The following MINDY2 variants were observed in gnomAD, a reference collection of about 807,000 sequenced individuals.
MINDY2 encodes the protein ubiquitin carboxyl-terminal hydrolase MINDY-2.
Under a neutral mutation model 68.2 loss-of-function variants are expected in MINDY2, and 52 were observed. The ratio of observed to expected loss-of-function variants is 0.76; its 90% CI spans 0.61 to 0.96. The LOEUF is 0.96. Among genes scored for constraint, MINDY2 ranks in the 40% least tolerant of loss-of-function variants. The pLI is 0.00. For missense variants in MINDY2, 881 were observed against 773.4 expected (o/e 1.14, Z -1.65); for synonymous variants, 372 against 303.0 (o/e 1.23, Z -2.36).
chr15:58,796,689 A>G (rs1448704930), intron 2 of MINDY2, among the ~76,000 whole-genome samples: 1 of 152,062 alleles, frequency 6.6e-6, no homozygotes. Flanking sequence ...TGCCCAGCTA[A>G]TTTTTGTATT....
chr15:58,809,429 A>G (rs1292885769), intron 3 of MINDY2, among the ~76,000 whole-genome samples: 2 of 152,054 alleles, frequency 1.3e-5, no homozygotes, highest in African/African-American at 2.4e-5. Flanking sequence ...AAGGCTGAAT[A>G]ATATTCCATT....
chr15:58,777,676 G>A (rs931557230), intron 1 of MINDY2, among the ~76,000 whole-genome samples: 1 of 152,094 alleles, frequency 6.6e-6, no homozygotes, highest in Non-Finnish European at 1.5e-5. Flanking sequence ...GAGCTGTGAT[G>A]CTCTAACATC....
intron 1 of MINDY2, among the ~76,000 whole-genome samples, chr15:58,782,438 A>C (rs2140905745): frequency 6.6e-6 from 1 of 152,334 alleles, no homozygotes; most frequent in South Asian, 2.1e-4. Context: ...TCAAACTAAA[A>C]ATGTCACAGT....
intron 3 of MINDY2, among the ~76,000 whole-genome samples, chr15:58,806,049 G>A (rs895163596): frequency 1.3e-5 from 2 of 152,214 alleles, no homozygotes; most frequent in African/African-American, 2.4e-5. Flanking sequence ...ACTCCAGCCC[G>A]GGCGACAGAG....
intron 2 of MINDY2, among the ~76,000 whole-genome samples, chr15:58,801,380 TAAAAAAAAAAAAAA>T (rs1188514448): frequency 1.3e-4 from 3 of 22,620 alleles, no homozygotes; most frequent in African/African-American, 4.0e-4. Context: ...CCCCATCTCT[TAAAAAAAAAAAAAA>T]AAAAAAAAAA....
intron 7 of MINDY2, among the ~76,000 whole-genome samples, chr15:58,848,190 C>T (rs1166015640): frequency 6.6e-6 from 1 of 151,430 alleles, no homozygotes; most frequent in African/African-American, 2.4e-5. Flanking sequence ...TCTTCCCTGA[C>T]TGAGGCAAAA....
At chr15:58,810,558 A>G (rs1185383952) in intron 4 of MINDY2, among the ~76,000 whole-genome samples, 170 bp downstream of exon 4, 1 of 152,112 alleles carries the variant, frequency 6.6e-6, no homozygotes, top group Non-Finnish European at 1.5e-5. Flanking sequence ...AAGTCTGCCC[A>G]AGGCTTCTGA....
chr15:58,848,777 A>T (rs1186457739), intron 7 of MINDY2, among the ~76,000 whole-genome samples: 1 of 152,184 alleles, frequency 6.6e-6, no homozygotes, highest in African/African-American at 2.4e-5. Flanking sequence ...AATTCAAACA[A>T]ATATGCATCT....
chr15:58,799,338 C>A (rs1328756921), intron 2 of MINDY2, among the ~76,000 whole-genome samples: 1 of 152,174 alleles, frequency 6.6e-6, no homozygotes, highest in Non-Finnish European at 1.5e-5. Context: ...GAGGCCGAGG[C>A]AGGCGGATCA....
intron 5 of MINDY2, among the ~76,000 whole-genome samples, chr15:58,822,694 CAAT>C (rs2031139959): frequency 6.6e-6 from 1 of 152,086 alleles, no homozygotes; most frequent in Non-Finnish European, 1.5e-5. Flanking sequence ...GTGTTCCAGT[CAAT>C]GATGAGAAAA....
At chr15:58,841,412 T>C (rs1366492493) in intron 6 of MINDY2, among the ~76,000 whole-genome samples, 13 of 151,534 alleles carry the variant, frequency 8.6e-5, no homozygotes, top group East Asian at 1.9e-4. Context: ...CTTTTCTTTT[T>C]TTTTTTTTTT....
chr15:58,779,705 C>T (rs1010458072), intron 1 of MINDY2, among the ~76,000 whole-genome samples: 9 of 152,292 alleles, frequency 5.9e-5, no homozygotes, highest in African/African-American at 1.9e-4. Context: ...TTTTCTGAGG[C>T]TTTCATTCCC....
chr15:58,819,513 A>G lies in MINDY2; in HGVS notation c.1123-2204A>G, dbSNP rs1270885143. Among the ~76,000 whole-genome samples, 5 of 152,090 alleles carry G rather than the reference A, an allele frequency of 3.3e-5. No individual in the cohort carries two copies. In the East Asian group the frequency reaches 9.7e-4, roughly 29 times the overall value. On this transcript the variant is annotated intron_variant, in intron 4 of 8. Transcript: ENST00000559228. The stretch of plus-strand genomic sequence containing the variant: ...AGAGTAAGAAAAAAATCTCAAAAAT[A>G]TTTTTATTTTATTTTTAGAGACAGG...
intron 1 of MINDY2, among the ~76,000 whole-genome samples, chr15:58,779,965 G>T (rs1901027615): frequency 6.6e-6 from 1 of 152,122 alleles, no homozygotes; most frequent in Non-Finnish European, 1.5e-5. Context: ...AATCATAGGG[G>T]CTTTGAATAA....
rs1416797156 is a variant in MINDY2, at chr15:58,858,286, CTACT to C, written c.*3679_*3682del. ...TATTGTCTCACATTTCTGATATTGA[CTACT>C]TATCCCATATTCTGTTTCAAATTCT... On this transcript the variant is annotated 3_prime_UTR_variant, in exon 9 of 9. Coordinates refer to ENST00000559228, the MANE Select transcript of MINDY2 (RefSeq NM_001040450.3). The C allele has an allele frequency of 2.0e-5, 3 of 152,108 alleles. No homozygotes were observed. The highest frequency in any genetic ancestry group is 7.2e-5 in the African/African-American group (3 of 41,436). The allele number at this position is 152,108 out of a possible 1,614,324, so 9.4% of individuals were successfully genotyped here. A position where few individuals can be genotyped will look rare whatever the true frequency, so the allele number is the denominator to read the frequency against.
At chr15:58,785,155 AAAAG>A (rs1901408375) in intron 1 of MINDY2, among the ~76,000 whole-genome samples, 1 of 140,730 alleles carries the variant, frequency 7.1e-6, no homozygotes, top group Non-Finnish European at 1.5e-5. Flanking sequence ...AAAAAAAAAA[AAAAG>A]AAAAGCAAGC....
At position 58,857,143 on chromosome 15, in the gene MINDY2, T is replaced by C. The variant is rs2033085445; in HGVS notation, c.*2533T>C. On this transcript the variant is annotated 3_prime_UTR_variant, in exon 9 of 9. Transcript: ENST00000559228. ...GGAATTTACTTTGATATACCAAGAA[T>C]AATAATGATAAAATGTTTGCTTTGA... 1 of 152,192 alleles carries C rather than the reference T, an allele frequency of 6.6e-6. No homozygotes were observed. The highest frequency in any genetic ancestry group is 1.5e-5 in the Non-Finnish European group (1 of 68,026). 9.4% of individuals were successfully genotyped at this position (152,192 alleles called of 1,614,324 possible). A position where few individuals can be genotyped will look rare whatever the true frequency, so the allele number is the denominator to read the frequency against.
At position 58,807,889 on chromosome 15, in the gene MINDY2, G is replaced by C. The variant is rs536991835; in HGVS notation, c.964-2341G>C. The stretch of plus-strand genomic sequence containing the variant: ...TCGTTTTTGCACTGGCATCTACTTT[G>C]GAATGCTCTTTGCCCAGAGCTTCCT... On this transcript the variant is annotated intron_variant, in intron 3 of 8. Coordinates refer to ENST00000559228, the MANE Select transcript of MINDY2 (RefSeq NM_001040450.3). Among the ~76,000 whole-genome samples the C allele has an allele frequency of 1.3e-3, 192 of 152,076 alleles. 1 individual carries two copies. The highest frequency in any genetic ancestry group is 4.4e-3 in the African/African-American group (183 of 41,492).
intron 4 of MINDY2, among the ~76,000 whole-genome samples, chr15:58,812,262 C>G (rs1232150292): frequency 1.3e-5 from 2 of 151,376 alleles, no homozygotes; most frequent in African/African-American, 4.9e-5. Context: ...ATGGTGAAAC[C>G]CTGTGTCTAC....
Sources: allele counts gnomAD v4.1 joint callset (sites outside exome capture counted in the v4.1 genomes callset), GRCh38; gene constraint gnomAD v4.1.1; transcripts MANE v1.5; gene names NCBI Gene and HGNC (gene_info 2026-07-23, HGNC 2026-07-21).